Variants in FAT2 observed in about 807,000 individuals in gnomAD.
FAT2 encodes protocadherin Fat 2.
A neutral mutation model predicts 295.3 loss-of-function variants in FAT2; 150 were observed. That is an observed-to-expected ratio of 0.51 (90% CI 0.44 to 0.58). The LOEUF (loss-of-function observed/expected upper bound fraction) is 0.58. Among genes scored for constraint, FAT2 ranks in the 20% least tolerant of loss-of-function variants. The pLI, the probability that FAT2 is intolerant of heterozygous loss-of-function variation, is 0.00. For missense variants in FAT2, 4,868 were observed against 5,442.7 expected (o/e 0.89, Z 3.32); for synonymous variants, 2,026 against 2,150.3 (o/e 0.94, Z 1.60).
intron 18 of FAT2, 178 bp from the exon 19 acceptor site, chr5:151,522,264 A>G (rs1753550961): frequency 3.6e-6 from 2 of 562,154 alleles, no homozygotes; most frequent in Admixed American, 6.2e-5. Context: ...CTGACAGAAA[A>G]GAAAGATTTT....
At chr5:151,561,684 T>C (rs529950679) in intron 3 of FAT2, among the ~76,000 whole-genome samples, 1 of 152,336 alleles carries the variant, frequency 6.6e-6, no homozygotes, top group South Asian at 2.1e-4. Context: ...AGCCACTGTG[T>C]CTGGCTTACT....
At chr5:151,506,518 A>G (rs1197000676) in intron 23 of FAT2, among the ~76,000 whole-genome samples, 3 of 152,200 alleles carry the variant, frequency 2.0e-5, no homozygotes, top group Non-Finnish European at 4.4e-5. Context: ...ATGAAATGAG[A>G]TGTGGCTCGG....
chr5:151,505,975 C>G lies in FAT2; in HGVS notation c.12640G>C (p.Val4214Leu), dbSNP rs2127562792. The G allele has an allele frequency of 1.9e-6, 3 of 1,572,980 alleles. No individual in the cohort carries two copies. Among genetic ancestry groups the G allele is most frequent in the Non-Finnish European group, 2.6e-6 (3 of 1,163,722 alleles). Reference sequence around the variant, plus strand: ...AGGCCATTAGGCTCTGGCATCACGACTGGGGTTGAGTGGCGGTGAGCCGAG... The same window carrying G: ...AGGCCATTAGGCTCTGGCATCACGAGTGGGGTTGAGTGGCGGTGAGCCGAG... ...PPSAHRHSTP[V>L]VMPEPNGLYG... The change falls in exon 24 of 24, where the codon GTC (valine) becomes CTC (leucine). Residue 4214 changes from valine to leucine, a missense_variant. This residue lies in a region of FAT2 where 492 missense variants were observed against 482.6 expected (regional missense o/e 1.02). Transcript: ENST00000261800.
In FAT2 at chr5:151,507,592, C is replaced by T; in HGVS notation, c.12079G>A (p.Gly4027Ser). ...TGDRCEMEAR[G>S]CSEGHCLVTP... ...ACTAGGCAGTGTCCTTCTGAACAACCCCTCGCCTCCATTTCACACCTGCGG... is the reference window on the plus strand; with the variant it reads ...ACTAGGCAGTGTCCTTCTGAACAACTCCTCGCCTCCATTTCACACCTGCGG... Residue 4027 changes from glycine to serine, a missense_variant, in exon 23 of 24, where the codon GGT becomes AGT. Physicochemically the swap from Gly to Ser is moderately conservative, Grantham distance 56. This residue lies in a region of FAT2 where 492 missense variants were observed against 482.6 expected (regional missense o/e 1.02). Coordinates refer to ENST00000261800, the MANE Select transcript of FAT2 (RefSeq NM_001447.3). 1 of 1,605,464 alleles carries T rather than the reference C, an allele frequency of 6.2e-7. No homozygotes were observed. Among genetic ancestry groups the T allele is most frequent in the South Asian group, 1.1e-5 (1 of 90,200 alleles).
chr5:151,567,367 T>C lies in FAT2; in HGVS notation c.1565A>G (p.Tyr522Cys). ...GIISTSKPMD[Y>C]ELMKRIYTFR... ...GGTATAAATTCTTTTCATGAGTTCATAGTCCATGGGTTTGGAGGTGGAGAT... is the reference window on the plus strand; with the variant it reads ...GGTATAAATTCTTTTCATGAGTTCACAGTCCATGGGTTTGGAGGTGGAGAT... Residue 522 changes from tyrosine to cysteine, a missense_variant, in exon 2 of 24, where the codon TAT becomes TGT. By Grantham distance (194) the Tyr-to-Cys change is radical. Around this residue, in one of 5 missense-constraint regions of FAT2, gnomAD observed 3,297 missense variants for 3,669.4 expected, o/e 0.90. Coordinates refer to ENST00000261800, the MANE Select transcript of FAT2 (RefSeq NM_001447.3). 6.2e-7 allele frequency: 1 copy of C among 1,614,230 alleles called. No individual in the cohort carries two copies. Among genetic ancestry groups the C allele is most frequent in the South Asian group, 1.1e-5 (1 of 91,086 alleles).
At chr5:151,511,249 T>C (rs1191471984) in intron 21 of FAT2, 1 of 152,144 alleles carries the variant, frequency 6.6e-6, no homozygotes, top group East Asian at 1.9e-4. Context: ...AAAGGGGTAA[T>C]GCGAAGTGTT....
In FAT2 at chr5:151,540,573, A is replaced by G. The variant is rs1756030054; in HGVS notation, c.9033T>C (p.Cys3011=). 4 of 1,612,024 alleles carry G rather than the reference A, an allele frequency of 2.5e-6. No individual in the cohort carries two copies. The highest frequency in any genetic ancestry group is 3.4e-6 in the Non-Finnish European group (4 of 1,178,838). ...CCCCTCGCCAGGCTCTCACCTGTGA[A>G]CACTGTGGGCTGTTATCATTGACGT... ...VLDVNDNSPQ[C]SQLLYTGKVH... is the part of the protein sequence containing the mutation. Residue 3011 remains cysteine, a synonymous_variant, in exon 11 of 24, where the codon TGT becomes TGC. Coordinates refer to ENST00000261800, the MANE Select transcript of FAT2 (RefSeq NM_001447.3).
At position 151,522,042 on chromosome 5, in the gene FAT2, G is replaced by T. The variant is rs780565894; in HGVS notation, c.10551C>A (p.Val3517=). ...GGCTCTGCTCTGTGACATGGACACG[G>T]ACAGACGTCAAAGACGAGAGGGGAG... ...GIPPLSSLTS[V]RVHVTEQSHY... The change falls in exon 19 of 24, where the codon GTC becomes GTA. Residue 3517 remains valine, a synonymous_variant. Coordinates refer to ENST00000261800, the MANE Select transcript of FAT2 (RefSeq NM_001447.3). 3.7e-6 allele frequency: 6 copies of T among 1,607,684 alleles called. 1 individual carries two copies. In the South Asian group the frequency reaches 6.6e-5, roughly 18 times the overall value.
At chr5:151,507,070 G>A in intron 23 of FAT2, 84 bp downstream of exon 23, 1 of 1,240,408 alleles carries the variant, frequency 8.1e-7, no homozygotes, top group Non-Finnish European at 1.1e-6. Context: ...AGCTAAAAAT[G>A]CCTGTGCCTC....
In FAT2 at chr5:151,528,009, A is replaced by C; in HGVS notation, c.10151T>G (p.Leu3384Arg). Reference protein sequence around the residue: ...KKGELQVAKALDREQASSYSL... With the variant: ...KKGELQVAKARDREQASSYSL... ...CACATGACTCACCTGTTCCCGGTCCAGGGCCTTGGCCACCTGTAGCTCCCC... is the reference window on the plus strand; with the variant it reads ...CACATGACTCACCTGTTCCCGGTCCCGGGCCTTGGCCACCTGTAGCTCCCC... The change falls in exon 16 of 24, where the codon CTG (leucine) becomes CGG (arginine). Residue 3384 changes from leucine to arginine, a missense_variant. By Grantham distance (102) the Leu-to-Arg change is moderately radical (BLOSUM62 -2). This residue lies in a region of FAT2 where 1,046 missense variants were observed against 1,210.1 expected (regional missense o/e 0.86). Transcript: ENST00000261800. 3.1e-6 allele frequency: 5 copies of C among 1,614,162 alleles called. No individual in the cohort carries two copies. The highest frequency in any genetic ancestry group is 4.2e-6 in the Non-Finnish European group (5 of 1,180,024).
chr5:151,542,152 A>T, intron 10 of FAT2, 133 bp downstream of exon 10: 1 of 755,310 alleles, frequency 1.3e-6, no homozygotes, highest in Non-Finnish European at 2.1e-6. Flanking sequence ...CTGAGGTCCT[A>T]GGGGGTTAAG....
intron 20 of FAT2, among the ~76,000 whole-genome samples, chr5:151,516,264 C>A (rs1752853262): frequency 6.6e-6 from 1 of 152,226 alleles, no homozygotes; most frequent in Non-Finnish European, 1.5e-5. Context: ...AATCCCAGCA[C>A]TTTGGGAGGC....
chr5:151,587,978 A>G (rs7723204), intron 1 of FAT2, among the ~76,000 whole-genome samples: 135,151 of 152,234 alleles, frequency 0.89, 60,314 homozygotes, highest in African/African-American at 0.93. Context: ...AGTGCGTGCC[A>G]ACCCAGGCAA....
intron 11 of FAT2, 121 bp from the exon 12 acceptor site, chr5:151,538,067 G>A (rs564732371): frequency 1.5e-5 from 11 of 732,172 alleles, no homozygotes; most frequent in Admixed American, 5.7e-5. Context: ...GGGCAGAGAC[G>A]AAGAGAGACA....
intron 1 of FAT2, among the ~76,000 whole-genome samples, chr5:151,582,499 A>G (rs935186933): frequency 1.3e-5 from 2 of 152,158 alleles, no homozygotes; most frequent in African/African-American, 2.4e-5. Context: ...CAAAATCCTT[A>G]GGGGTGGGGC....
intron 10 of FAT2, 120 bp from the exon 11 acceptor site, chr5:151,540,883 T>TTA: frequency 1.1e-6 from 1 of 888,838 alleles, no homozygotes; most frequent in Non-Finnish European, 1.6e-6. Context: ...AACATTTCCT[T>TTA]CCTTAACTAG....
chr5:151,566,135 T>TCA lies in FAT2; in HGVS notation c.2795_2796dup (p.Lys933Ter). On this transcript the variant is annotated frameshift_variant, in exon 2 of 24. Coordinates refer to ENST00000261800, the MANE Select transcript of FAT2 (RefSeq NM_001447.3). LOFTEE classifies it high-confidence loss of function. ...CCGGGGGGCAGGTCCTCTGGAACCT[T>TCA]CAGCCTGTTGTGTTCTGTGATGCAC... 6.2e-7 allele frequency: 1 copy of TCA among 1,614,118 alleles called. No individual in the cohort carries two copies. The highest frequency in any genetic ancestry group is 8.5e-7 in the Non-Finnish European group (1 of 1,180,010).
chr5:151,537,139 A>G (rs954086843), intron 12 of FAT2, among the ~76,000 whole-genome samples: 2 of 152,070 alleles, frequency 1.3e-5, no homozygotes, highest in Non-Finnish European at 2.9e-5. Context: ...TAGCAAAAAG[A>G]CAGAAAGACA....
chr5:151,586,185 A>G (rs1458501958), intron 1 of FAT2, among the ~76,000 whole-genome samples: 1 of 152,272 alleles, frequency 6.6e-6, no homozygotes, highest in Non-Finnish European at 1.5e-5. Flanking sequence ...ACGTGAGCAC[A>G]TGCAGGCCAA....
Sources: allele counts gnomAD v4.1 joint callset (sites outside exome capture counted in the v4.1 genomes callset), GRCh38; gene constraint gnomAD v4.1.1; regional missense constraint gnomAD v4.1.1; transcripts MANE v1.5; gene names NCBI Gene and HGNC (gene_info 2026-07-23, HGNC 2026-07-21).